HTR2C: variants seen among roughly 807,000 people sequenced by gnomAD.
The protein encoded by HTR2C is 5-hydroxytryptamine receptor 2C.
In HTR2C, 5 loss-of-function variants were observed where a neutral mutation model predicts 21.0. That is an observed-to-expected ratio of 0.24 (90% confidence interval 0.12 to 0.50). HTR2C has a LOEUF of 0.50. HTR2C is among the 20% of genes least tolerant of loss of function. The pLI is 0.98. For synonymous variants in HTR2C, 150 were observed against 145.3 expected, an observed-to-expected ratio of 1.03 and a Z score of -0.23; for missense variants, 271 against 371.2, an observed-to-expected ratio of 0.73 and a Z score of 2.22.
intron 4 of HTR2C, among the ~76,000 whole-genome samples, chrX:114,836,879 G>C (rs2070791473): frequency 9.0e-6 from 1 of 111,325 alleles, no homozygotes; most frequent in African/African-American, 3.3e-5. Flanking sequence ...ATTTTTTTAT[G>C]TACACAATCA....
At chrX:114,601,387 G>A (rs1224119619) in intron 1 of HTR2C, among the ~76,000 whole-genome samples, 2 of 109,157 alleles carry the variant, frequency 1.8e-5, no homozygotes, top group Admixed American at 9.9e-5. Context: ...GAAGGGAGAT[G>A]AGGGTGGGGC....
intron 5 of HTR2C, among the ~76,000 whole-genome samples, chrX:114,887,804 G>A (rs1475482169): frequency 2.7e-5 from 3 of 110,284 alleles, no homozygotes; most frequent in East Asian, 5.7e-4. Flanking sequence ...GGCAAATCAC[G>A]ATGTCAGGAG....
intron 2 of HTR2C, among the ~76,000 whole-genome samples, chrX:114,628,405 A>ATTTTTTTTTT (rs35975864): frequency 6.0e-3 from 261 of 43,832 alleles, no homozygotes; most frequent in East Asian, 8.9e-3. Context: ...TGCCAGGCTA[A>ATTTTTTTTTT]TTTTTTTTTT....
intron 2 of HTR2C, among the ~76,000 whole-genome samples, chrX:114,635,920 C>A (rs142087958): frequency 0.012 from 1,278 of 111,129 alleles, 16 homozygotes; most frequent in African/African-American, 0.04. Flanking sequence ...GTTTTCATTC[C>A]CTGTGATGGT....
chrX:114,874,633 C>T (rs1229064321), intron 5 of HTR2C, among the ~76,000 whole-genome samples: 1 of 110,006 alleles, frequency 9.1e-6, no homozygotes, highest in African/African-American at 3.3e-5. Flanking sequence ...CTTAGCCTCC[C>T]GAGTAGCTGG....
chrX:114,721,977 C>T (rs1381703563), intron 2 of HTR2C, among the ~76,000 whole-genome samples: 5 of 107,941 alleles, frequency 4.6e-5, no homozygotes, highest in African/African-American at 1.7e-4. Flanking sequence ...GTTCTTTTGG[C>T]TTAGGATTGA....
chrX:114,648,558 T>C (rs782371281), intron 2 of HTR2C, among the ~76,000 whole-genome samples: 21 of 110,848 alleles, frequency 1.9e-4, no homozygotes, highest in Non-Finnish European at 4.0e-4. Flanking sequence ...TGAAACCCCA[T>C]CTCCACAAAC....
chrX:114,703,026 T>A (rs868931295), intron 2 of HTR2C, among the ~76,000 whole-genome samples: 69 of 85,626 alleles, frequency 8.1e-4, no homozygotes, highest in Middle Eastern at 5.5e-3. Context: ...TAAATATATA[T>A]GCACCCAATA....
chrX:114,653,989 T>C (rs1156533029), intron 2 of HTR2C, among the ~76,000 whole-genome samples: 1 of 110,579 alleles, frequency 9.0e-6, no homozygotes, highest in South Asian at 3.8e-4. Flanking sequence ...TCAGCACTTA[T>C]TAGGTGTGTA....
intron 5 of HTR2C, among the ~76,000 whole-genome samples, chrX:114,860,144 G>A (rs954502212): frequency 2.2e-4 from 25 of 111,594 alleles, no homozygotes; most frequent in Admixed American, 2.1e-3. Flanking sequence ...GTTGATAGAC[G>A]TAGTAACAGA....
intron 2 of HTR2C, among the ~76,000 whole-genome samples, chrX:114,706,442 G>A (rs1369703104): frequency 1.9e-5 from 1 of 52,707 alleles, no homozygotes; most frequent in Admixed American, 3.1e-4. Flanking sequence ...ATCATTCTCG[G>A]TAAACTATTG....
intron 2 of HTR2C, chrX:114,639,532 A>C (rs1930007311): frequency 1.8e-5 from 2 of 113,048 alleles, no homozygotes; most frequent in African/African-American, 6.5e-5. Flanking sequence ...TTTCGTTGGG[A>C]TAGAAGATGG....
At chrX:114,835,640 C>A (rs782258541) in intron 4 of HTR2C, among the ~76,000 whole-genome samples, 1 of 111,127 alleles carries the variant, frequency 9.0e-6, no homozygotes, top group South Asian at 3.8e-4. Flanking sequence ...ACTTGTTTGC[C>A]TTTGGTCTGA....
chrX:114,698,479 C>T (rs1368395407), intron 2 of HTR2C, among the ~76,000 whole-genome samples: 5 of 9,758 alleles, frequency 5.1e-4, no homozygotes, highest in African/African-American at 1.3e-3. Context: ...CACACAAACA[C>T]GCACACACAC....
intron 2 of HTR2C, among the ~76,000 whole-genome samples, chrX:114,714,653 C>T (rs1556419550): frequency 8.9e-6 from 1 of 112,298 alleles, no homozygotes; most frequent in African/African-American, 3.2e-5. Context: ...TGTAACCAAA[C>T]TCAGCTATTT....
At chrX:114,652,588 T>G (rs782417028) in intron 2 of HTR2C, 1 of 334,246 alleles carries the variant, frequency 3.0e-6, no homozygotes, top group African/African-American at 2.8e-5. Context: ...AATTATGGTC[T>G]AATAGTTTTA....
intron 4 of HTR2C, among the ~76,000 whole-genome samples, chrX:114,764,945 C>A (rs2069931013): frequency 3.8e-5 from 3 of 79,704 alleles, no homozygotes; most frequent in Admixed American, 1.7e-4. Context: ...TCCTTCCTTC[C>A]TTCCTTCTAT....
At chrX:114,722,033 A>AT (rs1248401924) in intron 2 of HTR2C, among the ~76,000 whole-genome samples, 6 of 109,522 alleles carry the variant, frequency 5.5e-5, no homozygotes, top group Non-Finnish European at 7.6e-5. Flanking sequence ...ACTTTAAAGT[A>AT]TTTTTTTCCA....
intron 2 of HTR2C, among the ~76,000 whole-genome samples, chrX:114,643,377 C>A: frequency 9.1e-6 from 1 of 110,432 alleles, no homozygotes; most frequent in African/African-American, 3.3e-5. Flanking sequence ...ATTTTGTCTT[C>A]TTTAATATAT....
Sources: gnomAD v4.1 joint callset for allele counts (sites outside exome capture counted in the v4.1 genomes callset) on GRCh38, gnomAD v4.1.1 for gene constraint, MANE v1.5 for transcripts, NCBI Gene and HGNC (gene_info 2026-07-23, HGNC 2026-07-21) for gene names.